NEGR1: variants seen among roughly 807,000 people sequenced by gnomAD.
The protein encoded by NEGR1 is IgLON family member 4.
A neutral mutation model predicts 40.9 loss-of-function variants in NEGR1; 10 were observed. That is an observed-to-expected ratio of 0.24 (90% CI 0.15 to 0.42). NEGR1 has a LOEUF of 0.42. Ranked by LOEUF, NEGR1 falls within the 10% of genes least tolerant of loss-of-function variation. The probability of loss-of-function intolerance (pLI) is 1.00; values close to 1 mark genes in which losing one functional copy is unlikely to be tolerated. For synonymous variants in NEGR1, 185 were observed against 166.8 expected (o/e 1.11, Z -0.84); for missense variants, 352 against 438.9 (o/e 0.80, Z 1.77).
intron 3 of NEGR1, among the ~76,000 whole-genome samples, 184 bp from the exon 4 acceptor site, chr1:71,698,323 C>T (rs879252255): frequency 3.3e-5 from 5 of 151,884 alleles, no homozygotes; most frequent in Admixed American, 2.0e-4. Context: ...AGAAGCAGAA[C>T]GAGGTATATT....
intron 1 of NEGR1, among the ~76,000 whole-genome samples, chr1:72,181,461 G>A (rs1306182159): frequency 6.6e-6 from 1 of 151,948 alleles, no homozygotes; most frequent in Admixed American, 6.6e-5. Context: ...TCTTGGGGTG[G>A]GAATGTAGAC....
In NEGR1 at chr1:71,780,339, T is replaced by C. The variant is rs539567370; in HGVS notation, c.410-4042A>G. On this transcript the variant is annotated intron_variant, in intron 2 of 6. Coordinates refer to ENST00000357731, the MANE Select transcript of NEGR1 (RefSeq NM_173808.3). ...TTGATGAGTGTAAACTCATTTAATA[T>C]GCTGGAAACAATTATTATAATATCC... Among the ~76,000 whole-genome samples the C allele has an allele frequency of 7.0e-4, 107 of 152,316 alleles. 1 individual carries two copies. The highest frequency in any genetic ancestry group is 1.3e-3 in the Non-Finnish European group (87 of 68,016).
chr1:72,273,934 T>C, intron 1 of NEGR1, among the ~76,000 whole-genome samples: 1 of 151,728 alleles, frequency 6.6e-6, no homozygotes, highest in East Asian at 1.9e-4. Context: ...TGAAAGCTTC[T>C]GTGCTAAGGC....
intron 1 of NEGR1, among the ~76,000 whole-genome samples, chr1:72,100,351 T>C (rs773062174): frequency 3.9e-5 from 6 of 152,210 alleles, no homozygotes; most frequent in East Asian, 1.9e-4. Flanking sequence ...CTGATTTCAG[T>C]GCTTCCTCCG....
intron 1 of NEGR1, among the ~76,000 whole-genome samples, chr1:72,041,619 C>T (rs943749664): frequency 6.7e-6 from 1 of 150,046 alleles, no homozygotes; most frequent in African/African-American, 2.4e-5. Flanking sequence ...GGTTTTGTGA[C>T]CCTCCGTACC....
chr1:71,769,344 T>A (rs1656238772), intron 3 of NEGR1, among the ~76,000 whole-genome samples: 1 of 152,188 alleles, frequency 6.6e-6, no homozygotes, highest in African/African-American at 2.4e-5. Flanking sequence ...CTATGTGAAT[T>A]ACATTTTCAA....
At chr1:71,968,996 C>T (rs1646233979) in intron 1 of NEGR1, among the ~76,000 whole-genome samples, 1 of 151,936 alleles carries the variant, frequency 6.6e-6, no homozygotes, top group Non-Finnish European at 1.5e-5. Flanking sequence ...TCAACCCCTA[C>T]ATCTCATATG....
chr1:71,895,900 T>C (rs1436017695), intron 2 of NEGR1, among the ~76,000 whole-genome samples: 2 of 152,168 alleles, frequency 1.3e-5, no homozygotes, highest in Non-Finnish European at 2.9e-5. Context: ...CTATTTTATA[T>C]ATCAAGGTAC....
At chr1:72,247,519 C>G (rs1470478455) in intron 1 of NEGR1, among the ~76,000 whole-genome samples, 3 of 152,182 alleles carry the variant, frequency 2.0e-5, no homozygotes, top group Non-Finnish European at 4.4e-5. Flanking sequence ...GGCAGGGGCA[C>G]AGTGCAGCCA....
At chr1:72,152,970 G>A (rs1651182150) in intron 1 of NEGR1, among the ~76,000 whole-genome samples, 1 of 151,786 alleles carries the variant, frequency 6.6e-6, no homozygotes, top group Admixed American at 6.6e-5. Flanking sequence ...AATAGACACT[G>A]GAGATTACTG....
intron 1 of NEGR1, among the ~76,000 whole-genome samples, chr1:72,252,173 T>TTCAGGCA (rs1655124409): frequency 6.6e-6 from 1 of 151,420 alleles, no homozygotes; most frequent in African/African-American, 2.5e-5. Context: ...TGGGGCGATG[T>TTCAGGCA]AGCTGGGATT....
chr1:71,574,810 T>A (rs758710234), intron 6 of NEGR1, among the ~76,000 whole-genome samples: 5 of 152,316 alleles, frequency 3.3e-5, no homozygotes, highest in Middle Eastern at 3.4e-3. Flanking sequence ...ATGTTCTGTG[T>A]ATATATGATG....
chr1:71,540,041 A>G (rs1420190596), intron 6 of NEGR1, among the ~76,000 whole-genome samples: 1 of 151,784 alleles, frequency 6.6e-6, no homozygotes, highest in Non-Finnish European at 1.5e-5. Context: ...ACTTCAGTAA[A>G]TAGAGCATTA....
intron 6 of NEGR1, among the ~76,000 whole-genome samples, chr1:71,577,366 G>A (rs1198562444): frequency 6.6e-6 from 1 of 152,068 alleles, no homozygotes; most frequent in African/African-American, 2.4e-5. Flanking sequence ...AGCTTTAAGG[G>A]ATCACCTAGG....
intron 2 of NEGR1, among the ~76,000 whole-genome samples, chr1:71,920,313 T>G (rs1645701059): frequency 6.6e-6 from 1 of 152,196 alleles, no homozygotes; most frequent in African/African-American, 2.4e-5. Flanking sequence ...TAATTGCTTA[T>G]TCAGCACTTG....
intron 2 of NEGR1, among the ~76,000 whole-genome samples, chr1:71,826,689 T>C (rs957548136): frequency 6.6e-6 from 1 of 151,948 alleles, no homozygotes; most frequent in East Asian, 1.9e-4. Context: ...CAACAAAGTT[T>C]TTGTTATTCA....
intron 1 of NEGR1, among the ~76,000 whole-genome samples, chr1:71,937,840 C>T (rs1557444068): frequency 6.6e-6 from 1 of 152,028 alleles, no homozygotes; most frequent in East Asian, 1.9e-4. Flanking sequence ...ATTTAGAATG[C>T]TCTATTGGGC....
At chr1:72,211,114 C>T (rs1254191256) in intron 1 of NEGR1, among the ~76,000 whole-genome samples, 1 of 151,790 alleles carries the variant, frequency 6.6e-6, no homozygotes, top group African/African-American at 2.4e-5. Flanking sequence ...CATGCTCATC[C>T]TCTTTCATCA....
At chr1:71,853,096 T>G (rs1167806259) in intron 2 of NEGR1, among the ~76,000 whole-genome samples, 5 of 152,084 alleles carry the variant, frequency 3.3e-5, no homozygotes, top group African/African-American at 9.7e-5. Context: ...GACAATAAAC[T>G]GTGAATTTTC....
Sources: allele counts gnomAD v4.1 joint callset (sites outside exome capture counted in the v4.1 genomes callset), GRCh38; gene constraint gnomAD v4.1.1; transcripts MANE v1.5; gene names NCBI Gene and HGNC (gene_info 2026-07-23, HGNC 2026-07-21).